Variants in SH3GLB2 observed in about 807,000 individuals in gnomAD.
SH3GLB2 encodes the protein endophilin-B2.
A neutral mutation model predicts 48.0 loss-of-function variants in SH3GLB2; 24 were observed. The ratio of observed to expected loss-of-function variants is 0.50; its 90% CI spans 0.36 to 0.70. SH3GLB2 has a LOEUF of 0.70. Ranked by LOEUF, SH3GLB2 falls within the 30% of genes least tolerant of loss-of-function variation. The pLI is 0.00. For synonymous variants in SH3GLB2, 227 were observed against 207.6 expected (o/e 1.09, Z -0.80); for missense variants, 425 against 516.0 (o/e 0.82, Z 1.71).
intron 2 of SH3GLB2, among the ~76,000 whole-genome samples, chr9:129,021,806 A>C (rs1055870933): frequency 6.6e-6 from 1 of 151,962 alleles, no homozygotes; most frequent in African/African-American, 2.4e-5. Context: ...TAAAAATACA[A>C]AAATTAGCTG....
intron 9 of SH3GLB2, 95 bp downstream of exon 9, chr9:129,009,676 G>A: frequency 7.1e-7 from 1 of 1,400,326 alleles, no homozygotes; most frequent in Non-Finnish European, 9.8e-7. Flanking sequence ...ACCCAGCTTT[G>A]TGTCACAGGA....
chr9:129,012,646 T>C (rs1843192519), intron 5 of SH3GLB2: 2 of 444,134 alleles, frequency 4.5e-6, no homozygotes, highest in African/African-American at 4.0e-5. Flanking sequence ...GGCACTCAGA[T>C]GCCCCAGGGT....
At chr9:129,008,881 A>G in intron 10 of SH3GLB2, 90 bp from the exon 11 acceptor site, 2 of 1,348,766 alleles carry the variant, frequency 1.5e-6, no homozygotes, top group Non-Finnish European at 2.1e-6. Flanking sequence ...CCACCTCCCC[A>G]TGGCCCGTGG....
intron 5 of SH3GLB2, chr9:129,012,540 G>C: frequency 2.4e-6 from 1 of 421,784 alleles, no homozygotes; most frequent in Non-Finnish European, 4.2e-6. Flanking sequence ...GCTCAGGAGA[G>C]CAAATGCGGT....
intron 3 of SH3GLB2, among the ~76,000 whole-genome samples, chr9:129,017,753 C>G (rs1227184982): frequency 1.3e-5 from 2 of 151,850 alleles, no homozygotes; most frequent in African/African-American, 4.8e-5. Flanking sequence ...AAAAAATTAG[C>G]CTGGCATGGT....
chr9:129,022,534 G>T, intron 1 of SH3GLB2, 111 bp from the exon 2 acceptor site: 1 of 967,944 alleles, frequency 1.0e-6, no homozygotes, highest in Non-Finnish European at 1.5e-6. Flanking sequence ...ACCCAGGCAG[G>T]CCCCAGGGTC....
At chr9:129,012,761 G>C (rs1273944276) in intron 5 of SH3GLB2, 1 of 572,824 alleles carries the variant, frequency 1.7e-6, no homozygotes, top group African/African-American at 1.9e-5. Context: ...TCCCGACAAT[G>C]AAGGTGGACA....
intron 5 of SH3GLB2, chr9:129,013,096 A>G: frequency 6.6e-7 from 1 of 1,509,538 alleles, no homozygotes. Flanking sequence ...AGGCAGGAGC[A>G]GGCCCCCCAG....
At position 129,010,758 on chromosome 9, in the gene SH3GLB2, C is replaced by G. The variant is rs1373588995; in HGVS notation, c.625-65G>C. The G allele has an allele frequency of 2.0e-5, 32 of 1,596,028 alleles. No individual in the cohort carries two copies. The East Asian group carries it at 4.3e-4, about 21-fold the overall frequency. On this transcript the variant is annotated intron_variant, in intron 6 of 10. Coordinates refer to ENST00000372564, the MANE Select transcript of SH3GLB2 (RefSeq NM_020145.4). ...AGAGGAGGACAGCTGGACCCTAGAG[C>G]CTGTGCCCTGCCCCAGCTCCCAGAC...
intron 3 of SH3GLB2, among the ~76,000 whole-genome samples, chr9:129,016,172 G>A (rs548475338): frequency 8.5e-4 from 129 of 151,404 alleles, no homozygotes; most frequent in Middle Eastern, 3.4e-3. Context: ...GCAAAACCTC[G>A]TCTCTACTAA....
At chr9:129,010,622 C>T (rs1404225766) in intron 7 of SH3GLB2, 48 bp downstream of exon 7, 2 of 1,607,444 alleles carry the variant, frequency 1.2e-6, no homozygotes, top group African/African-American at 1.3e-5. Context: ...GTGCCTGCAC[C>T]CCGCCACCCC....
intron 1 of SH3GLB2, 119 bp downstream of exon 1, chr9:129,027,973 G>A (rs1844261053): frequency 1.1e-6 from 1 of 928,520 alleles, no homozygotes; most frequent in South Asian, 1.9e-5. Flanking sequence ...GTGTGCCGCG[G>A]CGGGGACGAG....
chr9:129,022,192 G>C (rs974161153), intron 2 of SH3GLB2, 90 bp downstream of exon 2: 6 of 1,533,458 alleles, frequency 3.9e-6, no homozygotes, highest in Non-Finnish European at 5.3e-6. Flanking sequence ...CTGCAGCCCC[G>C]CCCCACCTAT....
At chr9:129,012,715 C>A (rs1843197470) in intron 5 of SH3GLB2, 2 of 527,626 alleles carry the variant, frequency 3.8e-6, no homozygotes, top group South Asian at 5.8e-5. Flanking sequence ...AATCCGCACA[C>A]CACATCTCTT....
rs1564579020 is a variant in SH3GLB2 at position 129,014,549 on chromosome 9, G to A, written c.469-46C>T. 1 of 1,540,788 alleles carries A rather than the reference G, an allele frequency of 6.5e-7. No homozygotes were observed. Among genetic ancestry groups the A allele is most frequent in the Non-Finnish European group, 8.8e-7 (1 of 1,137,216 alleles). On this transcript the variant is annotated intron_variant, in intron 4 of 10. Coordinates refer to ENST00000372564, the MANE Select transcript of SH3GLB2 (RefSeq NM_020145.4). The surrounding 1 kb of genome is among the most constrained non-coding windows in gnomAD (Gnocchi z 4.1). ...ACAGTGAGACCCTGGGCTGCCCTGG[G>A]AGACCCTGAGCCATGCATGGCAAGA... is the stretch of plus-strand genomic sequence containing the variant.
intron 3 of SH3GLB2, among the ~76,000 whole-genome samples, chr9:129,018,918 T>C (rs1280305830): frequency 6.7e-6 from 1 of 148,700 alleles, no homozygotes; most frequent in Non-Finnish European, 1.5e-5. Context: ...TTATGTTAGG[T>C]AAAAGCAGCT....
chr9:129,017,901 C>CA (rs900509486), intron 3 of SH3GLB2, among the ~76,000 whole-genome samples: 5,948 of 64,782 alleles, frequency 0.092, 214 homozygotes, highest in African/African-American at 0.15. Context: ...CCGTCTCAAA[C>CA]AAAAAAAAAA....
chr9:129,026,463 G>A (rs893767325), intron 1 of SH3GLB2, among the ~76,000 whole-genome samples: 11 of 152,290 alleles, frequency 7.2e-5, no homozygotes, highest in South Asian at 2.1e-4. Flanking sequence ...GCTGGAGTCC[G>A]AGGCTGCTCC....
chr9:129,020,783 C>T (rs1045507880), intron 3 of SH3GLB2, among the ~76,000 whole-genome samples: 8 of 151,398 alleles, frequency 5.3e-5, no homozygotes, highest in African/African-American at 1.2e-4. Context: ...GGCAGGAGAA[C>T]GGCGGGAACC....
Sources: allele counts gnomAD v4.1 joint callset (sites outside exome capture counted in the v4.1 genomes callset), GRCh38; gene constraint gnomAD v4.1.1; non-coding constraint Gnocchi (gnomAD v3.1); transcripts MANE v1.5; gene names NCBI Gene and HGNC (gene_info 2026-07-23, HGNC 2026-07-21).